The following PDE10A variants were observed in gnomAD, a reference collection of about 807,000 sequenced individuals.
PDE10A encodes cAMP and cAMP-inhibited cGMP 3',5'-cyclic phosphodiesterase 10A.
A neutral mutation model predicts 97.7 loss-of-function variants in PDE10A; 39 were observed. The observed-to-expected ratio is 0.40, with a 90% CI of 0.31 to 0.52. PDE10A has a LOEUF of 0.52. Among genes scored for constraint, PDE10A ranks in the 20% least tolerant of loss-of-function variants. The pLI, the probability that PDE10A is intolerant of heterozygous loss-of-function variation, is 0.56. For synonymous variants in PDE10A, 371 were observed against 376.8 expected (o/e 0.98, Z 0.18); for missense variants, 731 against 1,047.8 (o/e 0.70, Z 4.17).
At chr6:165,745,825 C>T (rs930607687) in intron 1 of PDE10A, among the ~76,000 whole-genome samples, 1 of 152,090 alleles carries the variant, frequency 6.6e-6, no homozygotes, top group Non-Finnish European at 1.5e-5. Flanking sequence ...TTAAAACATG[C>T]AAGAGAATGA....
At chr6:165,768,420 A>AG (rs1777921619) in intron 1 of PDE10A, among the ~76,000 whole-genome samples, 2 of 152,134 alleles carry the variant, frequency 1.3e-5, no homozygotes, top group African/African-American at 4.8e-5. Context: ...TTTTACATTT[A>AG]GGCCTTTGAT....
chr6:165,613,419 T>G lies in PDE10A; in HGVS notation c.865+48528A>C, dbSNP rs564593763. 2.0e-5 allele frequency among the ~76,000 whole-genome samples: 3 copies of G among 152,252 alleles called. No homozygotes were observed. In the East Asian group the frequency reaches 5.8e-4, roughly 29 times the overall value. On this transcript the variant is annotated intron_variant, in intron 1 of 21. Coordinates refer to ENST00000539869, the MANE Select transcript of PDE10A (RefSeq NM_001385079.1). ...CTTTGGGAGGCCAAGATGGGCAGAT[T>G]GCTTGAGCTCAGAAGTTCGAGACCA...
intron 1 of PDE10A, among the ~76,000 whole-genome samples, chr6:165,556,445 A>G (rs1329424976): frequency 1.3e-5 from 2 of 152,236 alleles, no homozygotes; most frequent in Non-Finnish European, 2.9e-5. Flanking sequence ...CCTTCTTTGT[A>G]TTGTGACATA....
At chr6:165,940,465 C>G (rs547254534) in intron 1 of PDE10A, 1 of 152,400 alleles carries the variant, frequency 6.6e-6, no homozygotes, top group South Asian at 2.1e-4. Flanking sequence ...GGAAACAACA[C>G]GCCCTCTCGG....
chr6:165,397,955 T>A (rs1308329595), intron 13 of PDE10A, among the ~76,000 whole-genome samples: 1 of 152,056 alleles, frequency 6.6e-6, no homozygotes, highest in African/African-American at 2.4e-5. Flanking sequence ...TACATAGAAA[T>A]CAGAAACATT....
At chr6:165,688,302 C>T (rs1791178822) in intron 1 of PDE10A, among the ~76,000 whole-genome samples, 1 of 152,276 alleles carries the variant, frequency 6.6e-6, no homozygotes, top group Non-Finnish European at 1.5e-5. Context: ...GTTTACATGC[C>T]TTTCAGACCA....
intron 3 of PDE10A, among the ~76,000 whole-genome samples, chr6:165,465,677 G>A (rs1778600322): frequency 6.6e-6 from 1 of 152,188 alleles, no homozygotes; most frequent in Non-Finnish European, 1.5e-5. Context: ...GAGAGAATGA[G>A]TCCTGAGCAA....
rs577600715 is a variant in PDE10A at position 165,388,281 on chromosome 6, G to A, written c.2610+17C>T. 4.9e-5 allele frequency: 79 copies of A among 1,612,690 alleles called. 1 individual carries two copies. The highest frequency in any genetic ancestry group is 2.4e-4 in the South Asian group (22 of 91,032). ...CAGCCCTTCAGACTAAGCGAGAGAC[G>A]GCGTGCAGTGACTCACCTGGAGGAT... On this transcript the variant is annotated intron_variant, in intron 17 of 21. Transcript: ENST00000539869. The surrounding 1 kb of genome is among the most constrained non-coding windows in gnomAD (Gnocchi z 4.0).
intron 1 of PDE10A, among the ~76,000 whole-genome samples, chr6:165,633,612 T>C (rs1001220520): frequency 4.6e-5 from 7 of 152,122 alleles, no homozygotes; most frequent in Non-Finnish European, 1.0e-4. Context: ...GAATAGTCTA[T>C]AATACATTTT....
intron 3 of PDE10A, among the ~76,000 whole-genome samples, chr6:165,474,558 T>C (rs1012444025): frequency 6.6e-6 from 1 of 152,126 alleles, no homozygotes; most frequent in African/African-American, 2.4e-5. Context: ...TATTACTGGG[T>C]GATGAACTAA....
intron 1 of PDE10A, among the ~76,000 whole-genome samples, chr6:165,854,186 G>A (rs1780649585): frequency 6.6e-6 from 1 of 152,204 alleles, no homozygotes; most frequent in Non-Finnish European, 1.5e-5. Flanking sequence ...CCGGCGGACG[G>A]TGATGAACCC....
At chr6:165,928,446 G>A (rs188911570) in intron 1 of PDE10A, among the ~76,000 whole-genome samples, 26 of 152,306 alleles carry the variant, frequency 1.7e-4, no homozygotes, top group African/African-American at 6.0e-4. Flanking sequence ...AGGTCAGCAC[G>A]TGCTCAGACA....
At chr6:165,608,944 C>G (rs1787359883) in intron 1 of PDE10A, among the ~76,000 whole-genome samples, 1 of 152,192 alleles carries the variant, frequency 6.6e-6, no homozygotes, top group African/African-American at 2.4e-5. Context: ...CCTTCACCCA[C>G]TTTGTGATGG....
At chr6:165,598,682 T>C (rs563796119) in intron 1 of PDE10A, among the ~76,000 whole-genome samples, 1 of 152,334 alleles carries the variant, frequency 6.6e-6, no homozygotes, top group Non-Finnish European at 1.5e-5. Flanking sequence ...CGGCAATTAA[T>C]AAATGGTTCC....
intron 1 of PDE10A, among the ~76,000 whole-genome samples, chr6:165,714,586 A>T (rs1238238162): frequency 6.6e-6 from 1 of 152,198 alleles, no homozygotes; most frequent in South Asian, 2.1e-4. Context: ...CCCTACTCGA[A>T]TCCAGGCACA....
At chr6:165,694,648 C>T (rs1791397664) in intron 1 of PDE10A, among the ~76,000 whole-genome samples, 1 of 152,234 alleles carries the variant, frequency 6.6e-6, no homozygotes, top group Non-Finnish European at 1.5e-5. Context: ...ATAAAGAAGG[C>T]AGATATCACA....
chr6:165,408,586 C>T (rs1787412590), intron 13 of PDE10A, among the ~76,000 whole-genome samples: 1 of 152,080 alleles, frequency 6.6e-6, no homozygotes, highest in South Asian at 2.1e-4. Flanking sequence ...AACCAGCATA[C>T]ATTTGGAGCT....
At chr6:165,569,522 A>G (rs1445641875) in intron 1 of PDE10A, among the ~76,000 whole-genome samples, 1 of 152,210 alleles carries the variant, frequency 6.6e-6, no homozygotes, top group Non-Finnish European at 1.5e-5. Flanking sequence ...GTGTCTTCCC[A>G]AAATTCTTAT....
At chr6:165,386,808 C>T (rs1330361409) in intron 17 of PDE10A, among the ~76,000 whole-genome samples, 1 of 150,234 alleles carries the variant, frequency 6.7e-6, no homozygotes, top group Non-Finnish European at 1.5e-5. Context: ...TGAGACCATT[C>T]TGGCTAACAC....
Sources: allele counts gnomAD v4.1 joint callset (sites outside exome capture counted in the v4.1 genomes callset), GRCh38; gene constraint gnomAD v4.1.1; non-coding constraint Gnocchi (gnomAD v3.1); transcripts MANE v1.5; gene names NCBI Gene and HGNC (gene_info 2026-07-23, HGNC 2026-07-21).